TLR7: variants seen among roughly 807,000 people sequenced by gnomAD.
TLR7 encodes toll-like receptor 7.
TLR7 carries 12 observed loss-of-function variants against 38.3 expected under a neutral mutation model. The ratio of observed to expected loss-of-function variants is 0.31; its 90% CI spans 0.20 to 0.51. The LOEUF is 0.51. Among genes scored for constraint, TLR7 ranks in the 20% least tolerant of loss-of-function variants. The probability of loss-of-function intolerance (pLI) is 0.98; values close to 1 mark genes in which losing one functional copy is unlikely to be tolerated. For synonymous variants in TLR7, 285 were observed against 293.8 expected (o/e 0.97, Z 0.31); for missense variants, 504 against 743.4 (o/e 0.68, Z 3.74).
Position 12,867,535 on chromosome X carries a change from T to C in TLR7, c.-44T>C, listed in dbSNP as rs1166844214. 8.3e-7 allele frequency: 1 copy of C among 1,198,054 alleles called. No homozygotes were observed. The highest frequency in any genetic ancestry group is 3.0e-5 in the East Asian group (1 of 33,720). ...TCTTGGCACCTCTCATGCTCTGCTC[T>C]CTTCAACCAGACCTCTACATTCCAT... is the stretch of plus-strand genomic sequence containing the variant. On this transcript the variant is annotated 5_prime_UTR_variant, in exon 2 of 3. Coordinates refer to ENST00000380659, the MANE Select transcript of TLR7 (RefSeq NM_016562.4).
chrX:12,876,270 T>C (rs1377920541), intron 2 of TLR7, among the ~76,000 whole-genome samples: 1 of 112,122 alleles, frequency 8.9e-6, no homozygotes, highest in African/African-American at 3.2e-5. Flanking sequence ...CATTTTTTAA[T>C]ACTTGTAAAT....
chrX:12,880,504 T>C (rs2042887480), intron 2 of TLR7, among the ~76,000 whole-genome samples: 1 of 112,099 alleles, frequency 8.9e-6, no homozygotes, highest in Admixed American at 9.4e-5. Context: ...TGAGACATTA[T>C]GAAAACAGAG....
At chrX:12,878,927 T>C (rs904026577) in intron 2 of TLR7, among the ~76,000 whole-genome samples, 23 of 112,216 alleles carry the variant, frequency 2.0e-4, no homozygotes, top group Non-Finnish European at 3.8e-4. Context: ...TTAAATCTGC[T>C]TTATTTTGGG....
intron 2 of TLR7, among the ~76,000 whole-genome samples, chrX:12,869,355 G>A (rs781663447): frequency 4.5e-5 from 5 of 111,756 alleles, no homozygotes; most frequent in Admixed American, 9.5e-5. Context: ...AAGTGACCAT[G>A]AGACTGGATA....
In TLR7 at chrX:12,884,177, C is replaced by T. The variant is rs779407012; in HGVS notation, c.4-1335C>T. On this transcript the variant is annotated intron_variant, in intron 2 of 2. Coordinates refer to ENST00000380659, the MANE Select transcript of TLR7 (RefSeq NM_016562.4). The stretch of plus-strand genomic sequence containing the variant: ...ATTTTCTGTAGAGAGAGGGGTCTCA[C>T]GCTATGTTGCCCAGGCTAGTCTTGA... Among the ~76,000 whole-genome samples the T allele has an allele frequency of 7.2e-5, 8 of 111,448 alleles. No homozygotes were observed. The South Asian group carries it at 1.9e-3, about 26-fold the overall frequency.
At chrX:12,867,937 C>T (rs2042839398) in intron 2 of TLR7, among the ~76,000 whole-genome samples, 1 of 112,637 alleles carries the variant, frequency 8.9e-6, no homozygotes, top group African/African-American at 3.2e-5. Flanking sequence ...CTTTTTCCAG[C>T]ATATGGTGTT....
chrX:12,875,583 G>T (rs758417991), intron 2 of TLR7, among the ~76,000 whole-genome samples: 1 of 111,883 alleles, frequency 8.9e-6, no homozygotes, highest in South Asian at 3.7e-4. Context: ...GGACCCAGTG[G>T]GAGGTAATTG....
chrX:12,884,645 A>T (rs2042903676), intron 2 of TLR7, among the ~76,000 whole-genome samples: 1 of 112,010 alleles, frequency 8.9e-6, no homozygotes. Flanking sequence ...CATATGTCCC[A>T]GTTTGCCTGA....
In TLR7 at chrX:12,886,660, G is replaced by A. The variant is rs748809108; in HGVS notation, c.1152G>A (p.Glu384=). The change falls in exon 3 of 3, where the codon GAG becomes GAA. Residue 384 remains glutamate, a synonymous_variant. Transcript: ENST00000380659. ...ILRIRGYVFK[E]LKSFNLSPLH... The stretch of plus-strand genomic sequence containing the variant: ...GGATCAGAGGATATGTCTTTAAAGA[G>A]TTGAAAAGCTTTAACCTCTCGCCAT... The A allele has an allele frequency of 1.4e-5, 17 of 1,211,499 alleles. No individual in the cohort carries two copies. In the Admixed American group the frequency reaches 2.8e-4, roughly 20 times the overall value.
intron 2 of TLR7, among the ~76,000 whole-genome samples, chrX:12,882,231 A>T (rs955921855): frequency 2.7e-5 from 3 of 111,770 alleles, no homozygotes; most frequent in African/African-American, 9.8e-5. Flanking sequence ...TTTCATTTAA[A>T]GTGTAATAGG....
At chrX:12,869,828 GGCA>G in intron 2 of TLR7, among the ~76,000 whole-genome samples, 1 of 65,052 alleles carries the variant, frequency 1.5e-5, no homozygotes, top group Non-Finnish European at 2.5e-5. Flanking sequence ...AGTGCAGCCA[GGCA>G]AAAAAAAAAA....
chrX:12,868,355 A>G (rs1178587946), intron 2 of TLR7, among the ~76,000 whole-genome samples: 3 of 112,032 alleles, frequency 2.7e-5, no homozygotes, highest in East Asian at 5.6e-4. Context: ...TGGATTATCA[A>G]TAAAATGACT....
intron 2 of TLR7, among the ~76,000 whole-genome samples, chrX:12,883,596 C>T (rs1007865542): frequency 1.8e-5 from 2 of 111,352 alleles, no homozygotes; most frequent in East Asian, 2.8e-4. Context: ...GTGGGACGAT[C>T]GCTTGAGCCT....
rs2042924441 is a variant in TLR7, at chrX:12,889,684, T to A, written c.*1026T>A. ...AGTGATATTCTCTACCTTTGATAATTTACCTGCTTAAATGTTTTTATCTGC... is the reference window on the plus strand; with the variant it reads ...AGTGATATTCTCTACCTTTGATAATATACCTGCTTAAATGTTTTTATCTGC... On this transcript the variant is annotated 3_prime_UTR_variant, in exon 3 of 3. Transcript: ENST00000380659. 1 of 113,024 alleles carries A rather than the reference T, an allele frequency of 8.8e-6. No homozygotes were observed. Among genetic ancestry groups the A allele is most frequent in the Non-Finnish European group, 1.9e-5 (1 of 53,381 alleles). 9.3% of individuals were successfully genotyped at this position (113,024 alleles called of 1,213,427 possible). A position where few individuals can be genotyped will look rare whatever the true frequency, so the allele number is the denominator to read the frequency against.
chrX:12,885,244 C>T (rs769611493), intron 2 of TLR7, among the ~76,000 whole-genome samples: 4 of 112,115 alleles, frequency 3.6e-5, no homozygotes, highest in African/African-American at 9.7e-5. Flanking sequence ...CATGTAACAA[C>T]GAATAGGAAA....
At chrX:12,885,192 A>C (rs1417733202) in intron 2 of TLR7, among the ~76,000 whole-genome samples, 1 of 112,471 alleles carries the variant, frequency 8.9e-6, no homozygotes, top group Non-Finnish European at 1.9e-5. Flanking sequence ...TCCAAATTTC[A>C]GACTTTGGCA....
chrX:12,880,076 T>C (rs2042885927), intron 2 of TLR7, among the ~76,000 whole-genome samples: 1 of 112,143 alleles, frequency 8.9e-6, no homozygotes, highest in Non-Finnish European at 1.9e-5. Context: ...ATTTTAGATA[T>C]GTATTTTTTT....
At chrX:12,879,425 CAT>C (rs1046954932) in intron 2 of TLR7, among the ~76,000 whole-genome samples, 2 of 112,058 alleles carry the variant, frequency 1.8e-5, no homozygotes, top group African/African-American at 6.5e-5. Context: ...ATTGGCTTAG[CAT>C]AACAATTTTT....
chrX:12,885,396 A>G, intron 2 of TLR7, 116 bp from the exon 3 acceptor site: 1 of 680,479 alleles, frequency 1.5e-6, no homozygotes, highest in Non-Finnish European at 2.2e-6. Flanking sequence ...AGCTGAAAAT[A>G]AGACCTGAAT....
Sources: allele counts gnomAD v4.1 joint callset (sites outside exome capture counted in the v4.1 genomes callset), GRCh38; gene constraint gnomAD v4.1.1; transcripts MANE v1.5; gene names NCBI Gene and HGNC (gene_info 2026-07-23, HGNC 2026-07-21).